Variants in ANO10 observed in about 807,000 individuals in gnomAD.
ANO10 encodes anoctamin 10, also known as anoctamin-10.
ANO10 carries 77 observed loss-of-function variants against 74.7 expected under a neutral mutation model. The observed-to-expected ratio is 1.03, with a 90% CI of 0.86 to 1.25. The LOEUF is 1.25. Among genes scored for constraint, ANO10 ranks in the 50% most tolerant of loss-of-function variants. The pLI is 0.00. For missense variants in ANO10, 721 were observed against 778.1 expected (o/e 0.93, Z 0.87); for synonymous variants, 279 against 284.9 (o/e 0.98, Z 0.21).
At chr3:43,678,426 G>A (rs2084150379) in intron 1 of ANO10, among the ~76,000 whole-genome samples, 1 of 152,060 alleles carries the variant, frequency 6.6e-6, no homozygotes, top group Non-Finnish European at 1.5e-5. Flanking sequence ...CCACACCCTG[G>A]GCCTGGTAGT....
chr3:43,410,326 C>T (rs996973347), intron 12 of ANO10, among the ~76,000 whole-genome samples: 3 of 152,236 alleles, frequency 2.0e-5, no homozygotes, highest in Admixed American at 6.5e-5. Context: ...TTATAGCTCA[C>T]GGCATCCTTG....
intron 11 of ANO10, among the ~76,000 whole-genome samples, chr3:43,462,292 C>T (rs78294259): frequency 3.0e-4 from 46 of 152,234 alleles, no homozygotes; most frequent in Non-Finnish European, 5.0e-4. Context: ...TGCAACGGTA[C>T]GATCTTGGCT....
At chr3:43,572,150 A>G (rs531701951) in intron 7 of ANO10, among the ~76,000 whole-genome samples, 1 of 152,318 alleles carries the variant, frequency 6.6e-6, no homozygotes, top group Admixed American at 6.5e-5. Context: ...AGGTAGCCCA[A>G]GTAGGCTCAT....
intron 12 of ANO10, among the ~76,000 whole-genome samples, chr3:43,384,801 T>C (rs2092069581): frequency 6.6e-6 from 1 of 152,144 alleles, no homozygotes; most frequent in African/African-American, 2.4e-5. Flanking sequence ...ATCTAAGACC[T>C]GAAACCATAA....
At chr3:43,595,286 C>A (rs1408214488) in intron 4 of ANO10, among the ~76,000 whole-genome samples, 1 of 152,162 alleles carries the variant, frequency 6.6e-6, no homozygotes, top group African/African-American at 2.4e-5. Flanking sequence ...ATCCTGATAC[C>A]AAAGCCTGGC....
intron 1 of ANO10, among the ~76,000 whole-genome samples, chr3:43,687,650 C>T (rs186951606): frequency 5.5e-4 from 84 of 152,208 alleles, no homozygotes; most frequent in African/African-American, 2.0e-3. Context: ...TAGGTACTGG[C>T]GATCTCCAAA....
chr3:43,442,702 C>T (rs186535533), intron 11 of ANO10, among the ~76,000 whole-genome samples: 1 of 152,174 alleles, frequency 6.6e-6, no homozygotes, highest in Non-Finnish European at 1.5e-5. Flanking sequence ...CTTAAAAGGC[C>T]ACGGAATAAA....
chr3:43,603,307 C>A, intron 2 of ANO10, among the ~76,000 whole-genome samples: 1 of 152,130 alleles, frequency 6.6e-6, no homozygotes, highest in South Asian at 2.1e-4. Flanking sequence ...TGTTCTCTTT[C>A]TAGAACTCCT....
At chr3:43,637,163 C>T (rs541354636) in intron 1 of ANO10, among the ~76,000 whole-genome samples, 1 of 151,720 alleles carries the variant, frequency 6.6e-6, no homozygotes, top group Non-Finnish European at 1.5e-5. Flanking sequence ...GAGTGAGACC[C>T]TGTCTCAAAA....
chr3:43,534,567 T>G lies in ANO10; in HGVS notation c.1797+15153A>C, dbSNP rs1020287128. On this transcript the variant is annotated intron_variant, in intron 11 of 12. Transcript: ENST00000292246. ...GGAGGGAGGAGCAGCCATGTCTCTG[T>G]AGAACATAATTCCCTGACTCAGACA... Among the ~76,000 whole-genome samples the G allele has an allele frequency of 6.6e-5, 10 of 152,226 alleles. No homozygotes were observed. In the South Asian group the frequency reaches 8.3e-4, roughly 13 times the overall value.
intron 11 of ANO10, among the ~76,000 whole-genome samples, chr3:43,436,940 CAG>C (rs1215565010): frequency 3.9e-5 from 6 of 152,132 alleles, no homozygotes; most frequent in Non-Finnish European, 7.3e-5. Context: ...GGTATGTATG[CAG>C]AGTTACCTGT....
chr3:43,398,081 T>C (rs1009798466), intron 12 of ANO10, among the ~76,000 whole-genome samples: 6 of 152,230 alleles, frequency 3.9e-5, no homozygotes, highest in Admixed American at 2.0e-4. Context: ...CATGGACATA[T>C]ATTACCTTGG....
At chr3:43,496,174 G>T (rs962960915) in intron 11 of ANO10, among the ~76,000 whole-genome samples, 27 of 152,266 alleles carry the variant, frequency 1.8e-4, no homozygotes, top group African/African-American at 6.5e-4. Flanking sequence ...TTGAAAAAGG[G>T]TATGTGTATA....
rs573099265 is a variant in ANO10 at position 43,433,585 on chromosome 3, T to C, written c.1798-858A>G. On this transcript the variant is annotated intron_variant, in intron 11 of 12. Coordinates refer to ENST00000292246, the MANE Select transcript of ANO10 (RefSeq NM_018075.5). ...TGCTGCTGACTCCATATATGGTAAG[T>C]ACACAGACATTATAATATGGAAAAC... Among the ~76,000 whole-genome samples the C allele has an allele frequency of 7.3e-4, 111 of 152,332 alleles. 1 individual carries two copies. The highest frequency in any genetic ancestry group is 2.6e-3 in the African/African-American group (107 of 41,584).
chr3:43,580,969 G>A (rs895835290), intron 4 of ANO10, among the ~76,000 whole-genome samples: 3 of 152,088 alleles, frequency 2.0e-5, no homozygotes, highest in African/African-American at 7.2e-5. Context: ...ATGAAATGCT[G>A]TAATTCAACT....
rs568918928 is a variant in ANO10, at chr3:43,545,837, CAT to C, written c.1797+3881_1797+3882del. ...TCTAATTATCATATCTATCACCTCA[CAT>C]AGTTACCTTGTAAAATTCAGAATTA... On this transcript the variant is annotated intron_variant, in intron 11 of 12. Coordinates refer to ENST00000292246, the MANE Select transcript of ANO10 (RefSeq NM_018075.5). Among the ~76,000 whole-genome samples the C allele has an allele frequency of 1.2e-3, 187 of 152,294 alleles. 2 individuals are homozygous for C. Among genetic ancestry groups the C allele is most frequent in the Non-Finnish European group, 1.6e-3 (111 of 68,028 alleles).
chr3:43,552,091 G>T (rs1342285042), intron 10 of ANO10, among the ~76,000 whole-genome samples: 3 of 151,968 alleles, frequency 2.0e-5, no homozygotes, highest in Non-Finnish European at 2.9e-5. Context: ...TATATCTTTT[G>T]TGTAATGTTT....
chr3:43,616,105 G>C (rs1033267441), intron 1 of ANO10, among the ~76,000 whole-genome samples: 1 of 152,112 alleles, frequency 6.6e-6, no homozygotes, highest in Non-Finnish European at 1.5e-5. Flanking sequence ...GAAATAAAAG[G>C]ATCCGTACAT....
chr3:43,463,609 T>C (rs1020477093), intron 11 of ANO10, among the ~76,000 whole-genome samples: 2 of 152,190 alleles, frequency 1.3e-5, no homozygotes, highest in Non-Finnish European at 2.9e-5. Context: ...TTTCTCCCAT[T>C]TGGAATGGCT....
Sources: allele counts gnomAD v4.1 joint callset (sites outside exome capture counted in the v4.1 genomes callset), GRCh38; gene constraint gnomAD v4.1.1; transcripts MANE v1.5; gene names NCBI Gene and HGNC (gene_info 2026-07-23, HGNC 2026-07-21).